Variants in STAP2 observed in about 807,000 individuals in gnomAD.
STAP2 encodes the protein signal transducing adaptor family member 2, also known as signal-transducing adaptor protein 2.
Under a neutral mutation model 52.7 loss-of-function variants are expected in STAP2, and 58 were observed. The ratio of observed to expected loss-of-function variants is 1.10; its 90% confidence interval spans 0.89 to 1.37. The LOEUF (loss-of-function observed/expected upper bound fraction) is 1.37. STAP2 is among the 40% of genes most tolerant of loss of function. STAP2 has a pLI of 0.00. For synonymous variants in STAP2, 231 were observed against 210.5 expected, an observed-to-expected ratio of 1.10 and a Z score of -0.84; for missense variants, 522 against 519.4, an observed-to-expected ratio of 1.00 and a Z score of -0.05.
At chr19:4,326,886 G>T in intron 9 of STAP2, 56 bp downstream of exon 9, 1 of 1,542,128 alleles carries the variant, frequency 6.5e-7, no homozygotes, top group South Asian at 1.2e-5. Flanking sequence ...AGGGGGCGTG[G>T]CTGAATGCGG....
In STAP2 at chr19:4,325,412, G is replaced by A; in HGVS notation, c.963C>T (p.Asp321=). The A allele has an allele frequency of 6.2e-7, 1 of 1,614,110 alleles. No individual in the cohort carries two copies. The highest frequency in any genetic ancestry group is 8.5e-7 in the Non-Finnish European group (1 of 1,180,040). ...CCCACCCACCATCTTGGTTCTCATA[G>A]TCAACAGCTGGGCCATCTCCAATGG... ...VTPIGDGPAV[D]YENQDVASSS... is the part of the protein sequence containing the mutation. Residue 321 remains aspartate, a synonymous_variant, in exon 10 of 13, where the codon GAC becomes GAT. Transcript: ENST00000594605.
In STAP2 at chr19:4,324,141, C is replaced by T. The variant is rs372239054; in HGVS notation, c.1204G>A (p.Glu402Lys). 7.1e-6 allele frequency: 11 copies of T among 1,551,516 alleles called. No homozygotes were observed. Among genetic ancestry groups the T allele is most frequent in the Non-Finnish European group, 9.6e-6 (11 of 1,146,982 alleles). ...QKKLEKRRALEH is the reference protein window; with the variant it reads ...QKKLEKRRALKH ...TCCCTGGTGTGTCCGAATCAGTGCT[C>T]CAGTGCCCGCCTCTTCTCCAGCTTC... The change falls in exon 13 of 13, where the codon GAG (glutamate) becomes AAG (lysine). Residue 402 changes from glutamate to lysine, a missense_variant. Physicochemically the swap from Glu to Lys is moderately conservative, Grantham distance 56. Transcript: ENST00000594605.
intron 9 of STAP2, among the ~76,000 whole-genome samples, chr19:4,326,086 CCTG>C (rs1247682990): frequency 1.3e-5 from 2 of 152,208 alleles, no homozygotes; most frequent in East Asian, 3.8e-4. Flanking sequence ...TGACTGCACG[CCTG>C]CTGAGGTGGC....
chr19:4,333,689 C>CT lies in STAP2; in HGVS notation c.297+4_297+5insA. On this transcript the variant is annotated splice_donor_region_variant and intron_variant, in intron 3 of 12. Coordinates refer to ENST00000594605, the MANE Select transcript of STAP2 (RefSeq NM_001013841.2). ...CCCTCTGCACCCCTCCAGCAAGGGA[C>CT]CTACCTTGAACTTGATCTCCTGATC... The CT allele has an allele frequency of 6.2e-7, 1 of 1,610,604 alleles. No individual in the cohort carries two copies. The highest frequency in any genetic ancestry group is 1.1e-5 in the South Asian group (1 of 90,786).
chr19:4,336,293 G>A (rs1023170426), intron 1 of STAP2, among the ~76,000 whole-genome samples: 9 of 149,548 alleles, frequency 6.0e-5, no homozygotes, highest in Middle Eastern at 3.4e-3. Flanking sequence ...GGGATTACAG[G>A]CGTGAGCCAC....
At chr19:4,325,578 A>G (rs748586308) in intron 9 of STAP2, 33 bp from the exon 10 acceptor site, 3 of 1,540,998 alleles carry the variant, frequency 1.9e-6, no homozygotes, top group Non-Finnish European at 2.6e-6. Context: ...GTCAAGACCC[A>G]TGTCATACAG....
At chr19:4,325,032 G>A (rs1253335643) in intron 11 of STAP2, 184 bp downstream of exon 11, 9 of 581,708 alleles carry the variant, frequency 1.5e-5, no homozygotes, top group Non-Finnish European at 2.4e-5. Context: ...CCAGCTACTG[G>A]AGAGGCTGAG....
Position 4,324,084 on chromosome 19 carries a change from C to T in STAP2, c.*49G>A, listed in dbSNP as rs952583630. 3.4e-5 allele frequency: 53 copies of T among 1,537,368 alleles called. No homozygotes were observed. Among genetic ancestry groups the T allele is most frequent in the African/African-American group, 5.5e-5 (4 of 72,762 alleles). ...TTAATCCTGGGAAAAAGAATCTGGC[C>T]GCTGGGCCATGCCCTGGGACTAGCC... On this transcript the variant is annotated 3_prime_UTR_variant, in exon 13 of 13. Transcript: ENST00000594605.
chr19:4,330,711 A>ATT lies in STAP2; in HGVS notation c.355-652_355-651dup, dbSNP rs1210010568. On this transcript the variant is annotated intron_variant, in intron 4 of 12. Transcript: ENST00000594605. ...CCCGGTTGATAAATGATGTCAGCTA[A>ATT]TTTTTTTTTTTTTTTTTTTTTTGAG... is the stretch of plus-strand genomic sequence containing the variant. Among the ~76,000 whole-genome samples, 504 of 117,162 alleles carry ATT rather than the reference A, an allele frequency of 4.3e-3. 8 individuals carry two copies. Among genetic ancestry groups the ATT allele is most frequent in the South Asian group, 0.013 (41 of 3,170 alleles). 76.9% of individuals were successfully genotyped at this position (117,162 alleles called of 152,430 possible).
At chr19:4,331,965 G>C in intron 4 of STAP2, 57 bp downstream of exon 4, 1 of 1,523,818 alleles carries the variant, frequency 6.6e-7, no homozygotes, top group Non-Finnish European at 8.9e-7. Flanking sequence ...GAAAAAGGAG[G>C]CTTTTTGAGG....
intron 11 of STAP2, 162 bp downstream of exon 11, chr19:4,325,054 G>A: frequency 1.6e-6 from 1 of 619,606 alleles, no homozygotes; most frequent in Admixed American, 2.8e-5. Flanking sequence ...CAGGAGAATG[G>A]CGTGAACCCA....
At chr19:4,325,650 G>T in intron 9 of STAP2, 105 bp from the exon 10 acceptor site, 1 of 1,286,058 alleles carries the variant, frequency 7.8e-7, no homozygotes, top group Non-Finnish European at 1.1e-6. Flanking sequence ...ATGTGTCCCT[G>T]TGTGTCTGTG....
chr19:4,334,191 C>G, intron 1 of STAP2, 147 bp from the exon 2 acceptor site: 1 of 628,616 alleles, frequency 1.6e-6, no homozygotes, highest in Non-Finnish European at 2.6e-6. Context: ...CCTTGAGTTT[C>G]TGATCAAATG....
chr19:4,324,309 G>T, intron 12 of STAP2, 112 bp from the exon 13 acceptor site: 1 of 1,322,040 alleles, frequency 7.6e-7, no homozygotes, highest in South Asian at 1.3e-5. Context: ...CGTGCAACAG[G>T]ACAGTGTGCT....
intron 11 of STAP2, 62 bp from the exon 12 acceptor site, chr19:4,324,591 G>A: frequency 1.3e-6 from 2 of 1,532,464 alleles, no homozygotes; most frequent in South Asian, 1.2e-5. Context: ...CAGCACTTTG[G>A]GAGGCTGAGG....
intron 5 of STAP2, among the ~76,000 whole-genome samples, chr19:4,329,565 G>T (rs933602579): frequency 1.3e-5 from 2 of 151,370 alleles, no homozygotes; most frequent in South Asian, 2.1e-4. Context: ...ACCAAGAACC[G>T]CCCACAAAGA....
At chr19:4,333,666 C>A in intron 3 of STAP2, 28 bp downstream of exon 3, 1 of 1,601,958 alleles carries the variant, frequency 6.2e-7, no homozygotes, top group South Asian at 1.1e-5. Flanking sequence ...AGCACCGCCC[C>A]TCTGCACCCC....
chr19:4,334,422 A>T (rs1312046287), intron 1 of STAP2, among the ~76,000 whole-genome samples: 1 of 151,966 alleles, frequency 6.6e-6, no homozygotes, highest in African/African-American at 2.4e-5. Context: ...TCTATCATCC[A>T]TCTGTCCATC....
chr19:4,338,594 A>C, intron 1 of STAP2, 58 bp downstream of exon 1: 1 of 763,252 alleles, frequency 1.3e-6, no homozygotes, highest in Non-Finnish European at 1.9e-6. Context: ...GGACTCAGAG[A>C]GGTGCCGCAG....
Sources: gnomAD v4.1 joint callset for allele counts (sites outside exome capture counted in the v4.1 genomes callset) on GRCh38, gnomAD v4.1.1 for gene constraint, MANE v1.5 for transcripts, NCBI Gene and HGNC (gene_info 2026-07-23, HGNC 2026-07-21) for gene names.